TERF1: variants seen among roughly 807,000 people sequenced by gnomAD.
The protein encoded by TERF1 is telomeric repeat binding factor 1, also known as telomeric repeat-binding factor 1.
In TERF1, 20 loss-of-function variants were observed where a neutral mutation model predicts 55.1. The observed-to-expected ratio is 0.36, with a 90% CI of 0.26 to 0.53. The LOEUF (loss-of-function observed/expected upper bound fraction) is 0.53, where lower values mean the gene tolerates loss of function less well. Among genes scored for constraint, TERF1 ranks in the 20% least tolerant of loss-of-function variants. The probability of loss-of-function intolerance (pLI) is 0.91; values close to 1 mark genes in which losing one functional copy is unlikely to be tolerated. For missense variants in TERF1, 439 were observed against 535.7 expected (o/e 0.82, Z 1.78); for synonymous variants, 168 against 181.2 (o/e 0.93, Z 0.59).
chr8:73,015,198 T>TA (rs1378498468), intron 2 of TERF1, among the ~76,000 whole-genome samples: 2 of 152,206 alleles, frequency 1.3e-5, no homozygotes, highest in East Asian at 3.9e-4. Context: ...ATATCCTAGA[T>TA]ATAATAGGCC....
chr8:73,021,575 A>G (rs780902278), intron 3 of TERF1, among the ~76,000 whole-genome samples: 12 of 152,214 alleles, frequency 7.9e-5, no homozygotes, highest in Non-Finnish European at 1.2e-4. Flanking sequence ...ACTCTTTCAC[A>G]TAAAACTCTT....
chr8:73,025,546 G>T (rs1034597227), intron 5 of TERF1, among the ~76,000 whole-genome samples: 3 of 151,534 alleles, frequency 2.0e-5, no homozygotes, highest in African/African-American at 7.3e-5. Context: ...CGGTCAGGCG[G>T]ATCACACGGT....
chr8:73,044,548 CAT>C (rs1809960626), intron 9 of TERF1, among the ~76,000 whole-genome samples: 2 of 152,068 alleles, frequency 1.3e-5, no homozygotes, highest in African/African-American at 4.8e-5. Flanking sequence ...GTAAAGTACA[CAT>C]GATATAAAAT....
chr8:73,013,700 A>G, intron 1 of TERF1, 195 bp from the exon 2 acceptor site: 1 of 540,032 alleles, frequency 1.9e-6, no homozygotes, highest in Admixed American at 3.6e-5. Context: ...CTACATGTGA[A>G]AGTTATATTT....
intron 9 of TERF1, among the ~76,000 whole-genome samples, chr8:73,040,252 G>T (rs1429581040): frequency 1.3e-5 from 2 of 152,100 alleles, no homozygotes; most frequent in African/African-American, 2.4e-5. Flanking sequence ...AGCTCCTGCT[G>T]TTGCTGACCA....
chr8:73,023,377 G>A (rs1410998013), intron 4 of TERF1, among the ~76,000 whole-genome samples: 1 of 152,192 alleles, frequency 6.6e-6, no homozygotes, highest in African/African-American at 2.4e-5. Context: ...TGAATAATCA[G>A]ATTGAGCACC....
intron 4 of TERF1, among the ~76,000 whole-genome samples, chr8:73,023,533 C>T (rs540248223): frequency 4.6e-5 from 7 of 152,252 alleles, no homozygotes; most frequent in African/African-American, 1.7e-4. Context: ...TATAACCCTC[C>T]AGAAATTTCA....
chr8:73,030,715 G>C (rs1389226606), intron 7 of TERF1: 2 of 213,250 alleles, frequency 9.4e-6, no homozygotes, highest in African/African-American at 4.6e-5. Context: ...GGGCAGGAAG[G>C]GGATGGCAAT....
At position 73,039,110 on chromosome 8, in the gene TERF1, T is replaced by C; in HGVS notation, c.1040-6T>C. On this transcript the variant is annotated splice_region_variant and splice_polypyrimidine_tract_variant and intron_variant, in intron 8 of 9. Transcript: ENST00000276603. ...AATATTTATGACATTATTTTTCTAC[T>C]TTTAGGTACAAAAAAGAAAAAAGAA... is the stretch of plus-strand genomic sequence containing the variant. 6.5e-7 allele frequency: 1 copy of C among 1,548,360 alleles called. No homozygotes were observed. The highest frequency in any genetic ancestry group is 8.7e-7 in the Non-Finnish European group (1 of 1,146,196).
chr8:73,010,050 C>A (rs1296345661), intron 1 of TERF1: 2 of 152,130 alleles, frequency 1.3e-5, no homozygotes, highest in East Asian at 3.9e-4. Context: ...TATGAGCCAC[C>A]GCGCCTGGCC....
intron 9 of TERF1, among the ~76,000 whole-genome samples, chr8:73,039,679 C>T (rs762442920): frequency 1.3e-5 from 2 of 151,716 alleles, no homozygotes; most frequent in Admixed American, 6.6e-5. Context: ...AGTCTTGTGC[C>T]ATCTGTCCAG....
rs35184446 is a variant in TERF1 at position 73,039,770 on chromosome 8, GGTGTGTGTGTGT to G, written c.1143+586_1143+597del. Among the ~76,000 whole-genome samples, 1,293 of 136,446 alleles carry G rather than the reference GGTGTGTGTGTGT, an allele frequency of 9.5e-3. 18 individuals carry two copies. Among genetic ancestry groups the G allele is most frequent in the African/African-American group, 0.032 (1,179 of 36,728 alleles). 89.5% of individuals were successfully genotyped at this position (136,446 alleles called of 152,430 possible). ...GGATAAATCTGGTCTTTGTTTTTGT[GGTGTGTGTGTGT>G]GTGTGTGTGTGTGTGTGTGTGTGTG... On this transcript the variant is annotated intron_variant, in intron 9 of 9. Coordinates refer to ENST00000276603, the MANE Select transcript of TERF1 (RefSeq NM_017489.3).
intron 8 of TERF1, among the ~76,000 whole-genome samples, chr8:73,037,552 C>T (rs1447106364): frequency 1.6e-4 from 14 of 88,260 alleles, no homozygotes; most frequent in East Asian, 8.9e-4. Flanking sequence ...ATAAAATATT[C>T]GGGGGGGAAA....
intron 2 of TERF1, among the ~76,000 whole-genome samples, chr8:73,019,672 G>C (rs973386040): frequency 6.6e-6 from 1 of 152,144 alleles, no homozygotes; most frequent in Non-Finnish European, 1.5e-5. Context: ...TGAGACTACA[G>C]GCACACGCCC....
At chr8:73,010,496 A>G (rs1436330654) in intron 1 of TERF1, 1 of 152,218 alleles carries the variant, frequency 6.6e-6, no homozygotes, top group African/African-American at 2.4e-5. Context: ...ATGTGTAGAC[A>G]TAGGTTACTA....
At chr8:73,025,500 C>T (rs900203845) in intron 5 of TERF1, among the ~76,000 whole-genome samples, 9 of 151,664 alleles carry the variant, frequency 5.9e-5, no homozygotes, top group East Asian at 3.9e-4. Flanking sequence ...CGCCTGTAAT[C>T]CCAGCACTTT....
intron 5 of TERF1, 122 bp from the exon 6 acceptor site, chr8:73,026,818 C>T (rs899870026): frequency 4.0e-5 from 29 of 731,308 alleles, no homozygotes; most frequent in Non-Finnish European, 6.7e-5. Context: ...CCTTCATTGG[C>T]CTGTGAACAG....
intron 6 of TERF1, among the ~76,000 whole-genome samples, chr8:73,028,571 A>ATTTTTTT (rs59423351): frequency 1.1e-4 from 12 of 104,410 alleles, no homozygotes; most frequent in African/African-American, 4.2e-4. Flanking sequence ...ACGTAGACCC[A>ATTTTTTT]TTTTTTTTTT....
chr8:73,043,227 G>A (rs891425049), intron 9 of TERF1: 2 of 152,100 alleles, frequency 1.3e-5, no homozygotes, highest in Non-Finnish European at 2.9e-5. Context: ...TCTGTATGAT[G>A]TTTTCAAAAC....
Sources: allele counts gnomAD v4.1 joint callset (sites outside exome capture counted in the v4.1 genomes callset), GRCh38; gene constraint gnomAD v4.1.1; transcripts MANE v1.5; gene names NCBI Gene and HGNC (gene_info 2026-07-23, HGNC 2026-07-21).